Variants in ABHD17B observed in about 807,000 individuals in gnomAD.
ABHD17B encodes abhydrolase domain containing 17B, depalmitoylase.
ABHD17B carries 9 observed loss-of-function variants against 26.2 expected under a neutral mutation model. The observed-to-expected ratio is 0.34, with a 90% CI of 0.21 to 0.60. ABHD17B has a LOEUF of 0.60. ABHD17B is among the 20% of genes least tolerant of loss of function. The pLI, the probability that ABHD17B is intolerant of heterozygous loss-of-function variation, is 0.80. For missense variants in ABHD17B, 224 were observed against 352.1 expected (o/e 0.64, Z 2.91); for synonymous variants, 127 against 122.3 (o/e 1.04, Z -0.25).
chr9:71,875,230 C>CTTT (rs5898234), intron 1 of ABHD17B, 147 bp from the exon 2 acceptor site: 457 of 477,872 alleles, frequency 9.6e-4, no homozygotes, highest in Non-Finnish European at 1.2e-3. Context: ...TTTTTGGCTT[C>CTTT]TTTTTTTTTT....
intron 1 of ABHD17B, among the ~76,000 whole-genome samples, chr9:71,900,511 G>A (rs957777814): frequency 2.0e-5 from 3 of 151,970 alleles, no homozygotes; most frequent in Non-Finnish European, 2.9e-5. Context: ...TTAGCCAGGC[G>A]TGATGGCGTG....
chr9:71,905,043 T>C (rs1564075417), intron 1 of ABHD17B, among the ~76,000 whole-genome samples: 1 of 152,140 alleles, frequency 6.6e-6, no homozygotes, highest in Non-Finnish European at 1.5e-5. Flanking sequence ...ATGATACATT[T>C]GATATTAAAA....
At chr9:71,901,783 T>A (rs1182387092) in intron 1 of ABHD17B, among the ~76,000 whole-genome samples, 1 of 152,164 alleles carries the variant, frequency 6.6e-6, no homozygotes, top group Non-Finnish European at 1.5e-5. Flanking sequence ...CATTTTTAGC[T>A]CAACGACTTT....
At position 71,911,146 on chromosome 9, in the gene ABHD17B, G is replaced by A. The variant is rs904839269; in HGVS notation, c.-516C>T. ...AGCGGGAGGAAGACTGGAGGGGAAC[G>A]GAGGGGACGAGCACAATCCCCACTG... On this transcript the variant is annotated 5_prime_UTR_variant, in exon 1 of 4. Coordinates refer to ENST00000333421, the MANE Select transcript of ABHD17B (RefSeq NM_001025780.3). Among the ~76,000 whole-genome samples the A allele has an allele frequency of 6.6e-6, 1 of 152,184 alleles. No individual in the cohort carries two copies. The highest frequency in any genetic ancestry group is 1.5e-5 in the Non-Finnish European group (1 of 68,032).
intron 2 of ABHD17B, among the ~76,000 whole-genome samples, chr9:71,871,065 A>AGT (rs1172095668): frequency 2.0e-5 from 3 of 152,160 alleles, no homozygotes; most frequent in Non-Finnish European, 2.9e-5. Flanking sequence ...AACTACTGCA[A>AGT]GTGTAAGTAC....
intron 1 of ABHD17B, among the ~76,000 whole-genome samples, chr9:71,885,032 T>C (rs889791304): frequency 1.3e-5 from 2 of 152,056 alleles, no homozygotes; most frequent in African/African-American, 4.8e-5. Flanking sequence ...TGAACCTAAG[T>C]GGGGGCAGGT....
intron 1 of ABHD17B, among the ~76,000 whole-genome samples, chr9:71,907,606 G>A (rs1231179447): frequency 6.6e-6 from 1 of 152,094 alleles, no homozygotes. Flanking sequence ...CTGCCTCCTG[G>A]GTTCAAGCGA....
intron 1 of ABHD17B, among the ~76,000 whole-genome samples, chr9:71,908,437 C>T (rs1413180031): frequency 6.7e-6 from 1 of 150,356 alleles, no homozygotes; most frequent in Non-Finnish European, 1.5e-5. Flanking sequence ...CCTTCCCTCT[C>T]TCCAACTCAC....
chr9:71,866,696 T>C lies in ABHD17B; in HGVS notation c.*91A>G. On this transcript the variant is annotated 3_prime_UTR_variant, in exon 4 of 4. Transcript: ENST00000333421. ...ACATTTATGAAGGCAACTGACATGA[T>C]TTGCAAACAAAACCTTCAGGTTTTA... 7 of 1,527,232 alleles carry C rather than the reference T, an allele frequency of 4.6e-6. No homozygotes were observed. In the South Asian group the frequency reaches 7.6e-5, roughly 17 times the overall value. 94.6% of individuals were successfully genotyped at this position (1,527,232 alleles called of 1,614,324 possible).
chr9:71,904,654 T>G (rs1589233500), intron 1 of ABHD17B, among the ~76,000 whole-genome samples: 1 of 152,128 alleles, frequency 6.6e-6, no homozygotes, highest in South Asian at 2.1e-4. Flanking sequence ...CTGTAGTGGG[T>G]AAATGTGAGA....
At chr9:71,862,581 T>C (rs1395426155), downstream of ABHD17B, 5 of 1,475,382 alleles carry the variant, frequency 3.4e-6, no homozygotes, top group Admixed American at 1.7e-5. Flanking sequence ...CTTGAGAAAA[T>C]CACTTCCCTT....
At position 71,866,908 on chromosome 9, in the gene ABHD17B, C is replaced by T. The variant is rs1185912634; in HGVS notation, c.746G>A (p.Arg249His). 19 of 1,614,016 alleles carry T rather than the reference C, an allele frequency of 1.2e-5. No homozygotes were observed. The highest frequency in any genetic ancestry group is 5.0e-5 in the Admixed American group (3 of 59,998). Residue 249 changes from arginine (R) to histidine (H), a missense_variant, in exon 4 of 4, where the codon CGT becomes CAT. By Grantham distance (29) the Arg-to-His change is conservative (BLOSUM62 0). Transcript: ENST00000333421. ...DFSHGLALFE[R>H]CQRPVEPLWV... ...GAGAGGCTCCACAGGTCTTTGGCAACGTTCAAACAATGCGAGGCCATGTGA... is the reference window on the plus strand; with the variant it reads ...GAGAGGCTCCACAGGTCTTTGGCAATGTTCAAACAATGCGAGGCCATGTGA...
intron 1 of ABHD17B, among the ~76,000 whole-genome samples, chr9:71,884,066 G>T (rs1826533698): frequency 1.3e-5 from 2 of 152,086 alleles, no homozygotes; most frequent in South Asian, 4.2e-4. Context: ...CAAGAACAAT[G>T]GGCAAAAGAT....
At chr9:71,876,305 A>G (rs937330569) in intron 1 of ABHD17B, among the ~76,000 whole-genome samples, 13 of 152,110 alleles carry the variant, frequency 8.5e-5, no homozygotes, top group African/African-American at 3.1e-4. Flanking sequence ...TTTGACTCTC[A>G]TTTTCTTCAT....
intron 1 of ABHD17B, among the ~76,000 whole-genome samples, chr9:71,895,172 T>C (rs1445621058): frequency 6.6e-6 from 1 of 152,238 alleles, no homozygotes; most frequent in Non-Finnish European, 1.5e-5. Flanking sequence ...TACTAGGTCT[T>C]GCTCCAAGTG....
chr9:71,873,168 C>T (rs1253838769), intron 2 of ABHD17B, among the ~76,000 whole-genome samples: 2 of 151,834 alleles, frequency 1.3e-5, no homozygotes, highest in African/African-American at 2.4e-5. Flanking sequence ...ATTTTATTTT[C>T]ATATAATATA....
At chr9:71,862,680 C>G, downstream of ABHD17B, 1 of 695,530 alleles carries the variant, frequency 1.4e-6, no homozygotes, top group Non-Finnish European at 2.5e-6. Flanking sequence ...CTTTCCATAA[C>G]TGTTTATGAA....
In ABHD17B at chr9:71,907,855, G is replaced by A. The variant is rs368113829; in HGVS notation, c.-4+2779C>T. Among the ~76,000 whole-genome samples, 10 of 152,142 alleles carry A rather than the reference G, an allele frequency of 6.6e-5. No homozygotes were observed. In the East Asian group the frequency reaches 1.4e-3, roughly 21 times the overall value. On this transcript the variant is annotated intron_variant, in intron 1 of 3. Coordinates refer to ENST00000333421, the MANE Select transcript of ABHD17B (RefSeq NM_001025780.3). ...ATTGGTAGTTTTGTTTGTTTAACTG[G>A]GTGATGGGTACATGGATATTCATTA...
Position 71,870,347 on chromosome 9 carries a change from G to C in ABHD17B, c.468-85C>G, listed in dbSNP as rs1385836345. The stretch of plus-strand genomic sequence containing the variant: ...CATCATTCCAAAGGATTTGATCTTA[G>C]AATAAGACAATGTCAACTAATCCAT... On this transcript the variant is annotated intron_variant, in intron 2 of 3. Coordinates refer to ENST00000333421, the MANE Select transcript of ABHD17B (RefSeq NM_001025780.3). 5 of 1,249,056 alleles carry C rather than the reference G, an allele frequency of 4.0e-6. No individual in the cohort carries two copies. The African/African-American group carries it at 6.0e-5, about 15-fold the overall frequency. The allele number at this position is 1,249,056 out of a possible 1,614,324, so 77.4% of individuals were successfully genotyped here. A position where few individuals can be genotyped will look rare whatever the true frequency, so the allele number is the denominator to read the frequency against.
Sources: allele counts gnomAD v4.1 joint callset (sites outside exome capture counted in the v4.1 genomes callset), GRCh38; gene constraint gnomAD v4.1.1; transcripts MANE v1.5; gene names NCBI Gene and HGNC (gene_info 2026-07-23, HGNC 2026-07-21).